GSE1: variants seen among roughly 807,000 people sequenced by gnomAD.
GSE1 encodes the protein genetic suppressor element 1.
GSE1 carries 32 observed loss-of-function variants against 112.6 expected under a neutral mutation model. The ratio of observed to expected loss-of-function variants is 0.28; its 90% CI spans 0.21 to 0.38. The LOEUF (loss-of-function observed/expected upper bound fraction) is 0.38, where lower values mean the gene tolerates loss of function less well. GSE1 is among the 10% of genes least tolerant of loss of function. GSE1 has a pLI of 1.00. For missense variants in GSE1, 2,348 were observed against 1,699.2 expected (o/e 1.38, Z -6.71); for synonymous variants, 1,115 against 735.6 (o/e 1.52, Z -8.35).
At chr16:85,294,421 A>G (rs16975486) in intron 1 of GSE1, among the ~76,000 whole-genome samples, 22,595 of 152,066 alleles carry the variant, frequency 0.15, 2,288 homozygotes, top group East Asian at 0.4. Flanking sequence ...GTGGTGTTCC[A>G]TGGGTGACAT....
exon 2 of GSE1, chr16:85,357,526 C>A (rs958503424): frequency 3.1e-6 from 4 of 1,270,310 alleles, no homozygotes; most frequent in Admixed American, 2.5e-5. Context: ...GTCCGAGACC[C>A]GGCCACGCGC....
At chr16:85,635,252 T>G (rs2049892998) in intron 2 of GSE1, among the ~76,000 whole-genome samples, 1 of 152,076 alleles carries the variant, frequency 6.6e-6, no homozygotes, top group Non-Finnish European at 1.5e-5. Flanking sequence ...TGGGGGGTAT[T>G]GGCCCAGGAG....
chr16:85,376,169 C>T (rs889952824), intron 2 of GSE1, among the ~76,000 whole-genome samples: 2 of 152,202 alleles, frequency 1.3e-5, no homozygotes, highest in Non-Finnish European at 2.9e-5. Flanking sequence ...ACAAGCTCTG[C>T]ACCCGCTGTT....
At chr16:85,309,022 G>A (rs185174199) in intron 1 of GSE1, among the ~76,000 whole-genome samples, 2 of 151,370 alleles carry the variant, frequency 1.3e-5, no homozygotes, top group East Asian at 3.9e-4. Flanking sequence ...CCTGGGAATT[G>A]GGATTCAGTT....
At chr16:85,514,506 G>A (rs1598022680) in intron 2 of GSE1, among the ~76,000 whole-genome samples, 1 of 151,902 alleles carries the variant, frequency 6.6e-6, no homozygotes, top group African/African-American at 2.4e-5. Context: ...TGGAGGTGGC[G>A]GGCTTGGCTG....
Position 85,493,173 on chromosome 16 carries a change from T to G in GSE1, c.2464+135530T>G, listed in dbSNP as rs2051064542. Among the ~76,000 whole-genome samples the G allele has an allele frequency of 2.6e-5, 4 of 152,156 alleles. No individual in the cohort carries two copies. The South Asian group carries it at 8.3e-4, about 32-fold the overall frequency. On this transcript the variant is annotated intron_variant, in intron 2 of 2. Coordinates refer to the GSE1 transcript ENST00000637419. ...CCAGGCAGAACTTTGCTGTGGCAAA[T>G]TCCCATTGCACCTGGCTTGAGGTTT...
intron 2 of GSE1, among the ~76,000 whole-genome samples, chr16:85,383,842 T>C (rs926539880): frequency 6.6e-6 from 1 of 152,130 alleles, no homozygotes; most frequent in Non-Finnish European, 1.5e-5. Context: ...CAGACCTCTT[T>C]CCTACAGAGC....
At chr16:85,626,774 G>T (rs924180177) in intron 1 of GSE1, among the ~76,000 whole-genome samples, 1 of 152,144 alleles carries the variant, frequency 6.6e-6, no homozygotes, top group African/African-American at 2.4e-5. Context: ...CGGGATCCGC[G>T]GGAGGCCGGG....
chr16:85,204,800 C>T (rs750359405), intron 1 of GSE1, among the ~76,000 whole-genome samples: 14 of 152,208 alleles, frequency 9.2e-5, no homozygotes, highest in Non-Finnish European at 1.6e-4. Context: ...CCTGCTATGC[C>T]AGGCCTGCCC....
Position 85,654,989 on chromosome 16 carries a change from C to T in GSE1, c.795C>T (p.Phe265=), listed in dbSNP as rs140769869. 331 of 1,569,888 alleles carry T rather than the reference C, an allele frequency of 2.1e-4. 3 individuals carry two copies. The African/African-American group carries it at 4.1e-3, about 19-fold the overall frequency. The change falls in exon 5 of 16, where the codon TTC becomes TTT. Residue 265 remains phenylalanine (F), a splice_region_variant and synonymous_variant. Coordinates refer to ENST00000253458, the MANE Select transcript of GSE1 (RefSeq NM_014615.5). ...CACACCCCTTCCCCCACCCGGCCTTCAGGTGAGGCATCCCCCACGCGCCCT... is the reference window on the plus strand; with the variant it reads ...CACACCCCTTCCCCCACCCGGCCTTTAGGTGAGGCATCCCCCACGCGCCCT... The part of the protein sequence containing the change: ...LAPHPFPHPA[F]RMDDSYCLSA...
chr16:85,642,159 G>A (rs985353797), intron 2 of GSE1, among the ~76,000 whole-genome samples: 1 of 152,226 alleles, frequency 6.6e-6, no homozygotes, highest in African/African-American at 2.4e-5. Context: ...TCAAGGTTGA[G>A]CTGGGAGCTG....
chr16:85,522,430 A>C (rs2052218502), intron 2 of GSE1, among the ~76,000 whole-genome samples: 4 of 130,836 alleles, frequency 3.1e-5, no homozygotes, highest in South Asian at 2.6e-4. Context: ...GGTCAGTAGC[A>C]CTCCCTCCCT....
At chr16:85,316,163 G>A (rs1442712859) in intron 1 of GSE1, among the ~76,000 whole-genome samples, 8 of 152,240 alleles carry the variant, frequency 5.3e-5, no homozygotes, top group African/African-American at 2.4e-5. Context: ...GCAGAAGTGC[G>A]ACACCAGCCA....
intron 1 of GSE1, among the ~76,000 whole-genome samples, chr16:85,191,081 A>G (rs2074809872): frequency 6.6e-6 from 1 of 152,206 alleles, no homozygotes; most frequent in African/African-American, 2.4e-5. Flanking sequence ...CAACATGGTG[A>G]AACCCTGTCT....
upstream of GSE1, among the ~76,000 whole-genome samples, chr16:85,551,577 TG>T (rs1054434201): frequency 5.3e-5 from 8 of 151,876 alleles, no homozygotes; most frequent in African/African-American, 1.9e-4. Context: ...CGGGGCACGG[TG>T]GGGTTGCTTT....
chr16:85,444,873 T>C (rs772230472), intron 2 of GSE1, among the ~76,000 whole-genome samples: 2 of 152,144 alleles, frequency 1.3e-5, no homozygotes, highest in Non-Finnish European at 2.9e-5. Flanking sequence ...TCAGGATTGC[T>C]GACCCTGGGG....
At chr16:85,178,926 G>C (rs2074524488) in intron 1 of GSE1, among the ~76,000 whole-genome samples, 1 of 152,060 alleles carries the variant, frequency 6.6e-6, no homozygotes, top group African/African-American at 2.4e-5. Flanking sequence ...GCAGCGGGCG[G>C]GGACCCGTCA....
chr16:85,321,810 A>G (rs2046113443), intron 1 of GSE1, among the ~76,000 whole-genome samples: 1 of 151,964 alleles, frequency 6.6e-6, no homozygotes, highest in East Asian at 1.9e-4. Context: ...AAAAAAAAGA[A>G]AAAAAAGTTC....
At chr16:85,539,790 T>G (rs1412633366) in intron 2 of GSE1, among the ~76,000 whole-genome samples, 5 of 152,190 alleles carry the variant, frequency 3.3e-5, no homozygotes, top group African/African-American at 7.2e-5. Context: ...GGCTGCCCTG[T>G]CCCCTCCCTG....
Sources: allele counts gnomAD v4.1 joint callset (sites outside exome capture counted in the v4.1 genomes callset), GRCh38; gene constraint gnomAD v4.1.1; transcripts MANE v1.5; gene names NCBI Gene and HGNC (gene_info 2026-07-23, HGNC 2026-07-21).